CACNA1D: variants seen among roughly 807,000 people sequenced by gnomAD.
CACNA1D encodes calcium voltage-gated channel subunit alpha1 D.
CACNA1D carries 55 observed loss-of-function variants against 257.1 expected under a neutral mutation model. The ratio of observed to expected loss-of-function variants is 0.21; its 90% confidence interval spans 0.17 to 0.27. The LOEUF (loss-of-function observed/expected upper bound fraction) is 0.27. CACNA1D is among the 10% of genes least tolerant of loss of function. The pLI is 1.00. For synonymous variants in CACNA1D, 980 were observed against 1,014.9 expected (o/e 0.97, Z 0.65); for missense variants, 1,876 against 2,784.0 (o/e 0.67, Z 7.34).
intron 46 of CACNA1D, 42 bp downstream of exon 46, chr3:53,808,812 C>T (rs745653500): frequency 1.9e-6 from 3 of 1,592,136 alleles, no homozygotes; most frequent in Non-Finnish European, 8.5e-7. Flanking sequence ...CTAGGGGCAC[C>T]CCACATAGGA....
intron 3 of CACNA1D, among the ~76,000 whole-genome samples, chr3:53,559,823 C>T (rs942819880): frequency 2.0e-5 from 3 of 152,120 alleles, no homozygotes; most frequent in Admixed American, 1.3e-4. Context: ...CATTACTTTA[C>T]GTGACTGTGT....
chr3:53,669,748 G>C (rs1267016220), intron 7 of CACNA1D, among the ~76,000 whole-genome samples: 2 of 152,228 alleles, frequency 1.3e-5, no homozygotes, highest in Non-Finnish European at 2.9e-5. Context: ...CTATGGTAGA[G>C]TTCTTTGATA....
intron 15 of CACNA1D, 57 bp from the exon 16 acceptor site, chr3:53,730,385 T>C: frequency 1.7e-6 from 2 of 1,172,532 alleles, no homozygotes; most frequent in Middle Eastern, 1.9e-4. Context: ...GTTGCCATTG[T>C]TGGCCGCACG....
chr3:53,717,761 A>G (rs1477326332), intron 9 of CACNA1D, among the ~76,000 whole-genome samples: 2 of 152,224 alleles, frequency 1.3e-5, no homozygotes, highest in African/African-American at 4.8e-5. Flanking sequence ...CAGGTAAAAT[A>G]GCAAAAAAAT....
intron 3 of CACNA1D, among the ~76,000 whole-genome samples, chr3:53,502,658 T>C (rs890034667): frequency 3.3e-5 from 5 of 152,158 alleles, no homozygotes; most frequent in Non-Finnish European, 5.9e-5. Flanking sequence ...CCTTTCTGCA[T>C]TGCTGTGCAG....
chr3:53,573,697 G>A (rs912877548), intron 3 of CACNA1D, among the ~76,000 whole-genome samples: 36 of 152,132 alleles, frequency 2.4e-4, no homozygotes, highest in African/African-American at 8.5e-4. Context: ...TTTCACTGTT[G>A]TATGTCCAGT....
At chr3:53,634,902 G>A (rs1168399110) in intron 3 of CACNA1D, among the ~76,000 whole-genome samples, 1 of 152,206 alleles carries the variant, frequency 6.6e-6, no homozygotes, top group African/African-American at 2.4e-5. Flanking sequence ...GCTGCCTGGA[G>A]GGCAGGCAGT....
rs775113152 is a variant in CACNA1D, at chr3:53,702,591, A to C, written c.1221-50A>C. ...GCAGTAGGGCAGTGGCTCAGGATGC[A>C]GGTCCCCAAGGATGTCCTGATATGT... is the stretch of plus-strand genomic sequence containing the variant. On this transcript the variant is annotated intron_variant, in intron 8 of 47. Transcript: ENST00000350061. The C allele has an allele frequency of 4.4e-6, 7 of 1,589,536 alleles. No individual in the cohort carries two copies. In the South Asian group the frequency reaches 7.7e-5, roughly 18 times the overall value.
chr3:53,644,232 C>T (rs2093994998), intron 3 of CACNA1D, among the ~76,000 whole-genome samples: 1 of 152,114 alleles, frequency 6.6e-6, no homozygotes, highest in Admixed American at 6.5e-5. Context: ...GGGTGTACAA[C>T]ATGATGTTTT....
At chr3:53,735,589 C>A in intron 20 of CACNA1D, 86 bp downstream of exon 20, 1 of 1,470,244 alleles carries the variant, frequency 6.8e-7, no homozygotes, top group Non-Finnish European at 9.4e-7. Flanking sequence ...CTGTGGAGGC[C>A]CTCAAGGTGA....
intron 3 of CACNA1D, among the ~76,000 whole-genome samples, chr3:53,508,242 A>G (rs984565974): frequency 6.6e-6 from 1 of 152,032 alleles, no homozygotes; most frequent in African/African-American, 2.4e-5. Context: ...TGCCGCACCT[A>G]TCAACCCATC....
intron 3 of CACNA1D, among the ~76,000 whole-genome samples, chr3:53,518,910 A>T (rs545380945): frequency 1.3e-5 from 2 of 152,336 alleles, no homozygotes; most frequent in East Asian, 3.9e-4. Context: ...TGTTTATTAA[A>T]CAAACAGCTT....
At chr3:53,607,034 C>T (rs2093519462) in intron 3 of CACNA1D, among the ~76,000 whole-genome samples, 1 of 152,212 alleles carries the variant, frequency 6.6e-6, no homozygotes, top group African/African-American at 2.4e-5. Flanking sequence ...CCTGTACCTG[C>T]TGTTGGACAT....
At chr3:53,779,149 A>C (rs1401930171) in intron 37 of CACNA1D, among the ~76,000 whole-genome samples, 1 of 152,146 alleles carries the variant, frequency 6.6e-6, no homozygotes, top group African/African-American at 2.4e-5. Flanking sequence ...AACATAACAA[A>C]ACAAAAACAA....
intron 1 of CACNA1D, 137 bp from the exon 2 acceptor site, chr3:53,497,015 G>A (rs1016886112): frequency 4.0e-5 from 29 of 730,904 alleles, no homozygotes; most frequent in Admixed American, 3.1e-4. Flanking sequence ...GTGAAAAATA[G>A]CACATGAGAT....
In CACNA1D at chr3:53,810,139, G is replaced by A; in HGVS notation, c.6033G>A (p.Gln2011=). The stretch of plus-strand genomic sequence containing the variant: ...TGGAGCAGTCAGAGGCCCTGGACCA[G>A]GTGAACGGCAGCCTGCCGTCCCTGC... ...IQVEQSEALD[Q]VNGSLPSLHR... The change falls in exon 47 of 48, where the codon CAG becomes CAA. Residue 2011 remains glutamine (Q), a synonymous_variant. Coordinates refer to ENST00000350061, the MANE Select transcript of CACNA1D (RefSeq NM_001128840.3). 6.2e-7 allele frequency: 1 copy of A among 1,614,022 alleles called. No homozygotes were observed. Among genetic ancestry groups the A allele is most frequent in the Non-Finnish European group, 8.5e-7 (1 of 1,180,040 alleles).
At chr3:53,507,419 G>A (rs1415185702) in intron 3 of CACNA1D, among the ~76,000 whole-genome samples, 3 of 151,602 alleles carry the variant, frequency 2.0e-5, no homozygotes, top group African/African-American at 7.3e-5. Flanking sequence ...AACCAGAATG[G>A]GCAACATAGT....
At chr3:53,757,613 A>G (rs935613231) in intron 29 of CACNA1D, among the ~76,000 whole-genome samples, 5 of 152,216 alleles carry the variant, frequency 3.3e-5, no homozygotes, top group African/African-American at 1.2e-4. Flanking sequence ...TTGAGAAAGC[A>G]TATACAATTT....
At chr3:53,728,382 G>A (rs1468101731) in intron 15 of CACNA1D, among the ~76,000 whole-genome samples, 5 of 152,004 alleles carry the variant, frequency 3.3e-5, no homozygotes, top group Admixed American at 1.3e-4. Context: ...CAGGTGATCC[G>A]CCCGCCTTGG....
Sources: gnomAD v4.1 joint callset for allele counts (sites outside exome capture counted in the v4.1 genomes callset) on GRCh38, gnomAD v4.1.1 for gene constraint, MANE v1.5 for transcripts, NCBI Gene and HGNC (gene_info 2026-07-23, HGNC 2026-07-21) for gene names.